HAUS2: variants seen among roughly 807,000 people sequenced by gnomAD.
The protein encoded by HAUS2 is HAUS augmin-like complex subunit 2.
A neutral mutation model predicts 21.6 loss-of-function variants in HAUS2; 20 were observed. The ratio of observed to expected loss-of-function variants is 0.93; its 90% CI spans 0.65 to 1.35. The LOEUF (loss-of-function observed/expected upper bound fraction) is 1.35. HAUS2 is among the 40% of genes most tolerant of loss of function. HAUS2 has a pLI of 0.00. For synonymous variants in HAUS2, 113 were observed against 95.6 expected (o/e 1.18, Z -1.06); for missense variants, 297 against 280.7 (o/e 1.06, Z -0.42).
At chr15:42,553,016 C>T (rs1293490285) in intron 1 of HAUS2, among the ~76,000 whole-genome samples, 5 of 133,370 alleles carry the variant, frequency 3.7e-5, no homozygotes, top group Admixed American at 1.6e-4. Context: ...GATGGAGTTT[C>T]GCTCTTACTG....
chr15:42,555,696 G>A (rs1380906619), intron 1 of HAUS2, among the ~76,000 whole-genome samples: 3 of 152,142 alleles, frequency 2.0e-5, no homozygotes, highest in Non-Finnish European at 2.9e-5. Context: ...AGGGTAGAGA[G>A]CTTGTTTCAC....
At chr15:42,560,342 TATC>T (rs1344379807) in intron 3 of HAUS2, among the ~76,000 whole-genome samples, 1 of 151,840 alleles carries the variant, frequency 6.6e-6, no homozygotes, top group Non-Finnish European at 1.5e-5. Flanking sequence ...AGGTAAAAAA[TATC>T]ATGCTGTCTG....
intron 1 of HAUS2, among the ~76,000 whole-genome samples, chr15:42,555,179 G>C (rs1485109385): frequency 6.6e-6 from 1 of 151,864 alleles, no homozygotes; most frequent in East Asian, 1.9e-4. Context: ...GTAGAGATGG[G>C]GTTTCACCAT....
intron 4 of HAUS2, 110 bp downstream of exon 4, chr15:42,561,512 T>A: frequency 1.4e-6 from 1 of 706,556 alleles, no homozygotes; most frequent in Non-Finnish European, 2.5e-6. Context: ...TTGTATTTGT[T>A]AACATTATTA....
chr15:42,559,268 G>T, intron 2 of HAUS2, 71 bp from the exon 3 acceptor site: 3 of 869,632 alleles, frequency 3.4e-6, no homozygotes, highest in Non-Finnish European at 5.9e-6. Flanking sequence ...TGGGATTACA[G>T]GAGTGAGCCA....
chr15:42,557,803 C>G (rs993088050), intron 1 of HAUS2, among the ~76,000 whole-genome samples: 1 of 2,286 alleles, frequency 4.4e-4, no homozygotes, highest in African/African-American at 5.1e-4. Flanking sequence ...TCCATGAAGG[C>G]GAAAATATTT....
intron 3 of HAUS2, among the ~76,000 whole-genome samples, chr15:42,560,207 G>A (rs771871114): frequency 4.1e-4 from 62 of 152,162 alleles, no homozygotes; most frequent in African/African-American, 1.4e-3. Context: ...ACTTAGTGAT[G>A]TTTAAATATG....
At position 42,559,417 on chromosome 15, in the gene HAUS2, T is replaced by G. The variant is rs1264188887; in HGVS notation, c.256+9T>G. On this transcript the variant is annotated intron_variant, in intron 3 of 5. Transcript: ENST00000260372. ...TCATCCTTTCTTTTTGGGTAAGTGG[T>G]TTGGTTAAGTGGATAATCACTGGAA... is the stretch of plus-strand genomic sequence containing the variant. 1 of 1,526,588 alleles carries G rather than the reference T, an allele frequency of 6.6e-7. No individual in the cohort carries two copies. Among genetic ancestry groups the G allele is most frequent in the African/African-American group, 1.4e-5 (1 of 73,152 alleles). The allele number at this position is 1,526,588 out of a possible 1,614,324, so 94.6% of individuals were successfully genotyped here. A position where few individuals can be genotyped will look rare whatever the true frequency, so the allele number is the denominator to read the frequency against.
intron 1 of HAUS2, among the ~76,000 whole-genome samples, chr15:42,555,660 T>C (rs1316363546): frequency 6.6e-6 from 1 of 152,212 alleles, no homozygotes; most frequent in East Asian, 1.9e-4. Flanking sequence ...AATACCTTTT[T>C]CTTCCCATCC....
At chr15:42,551,773 T>G (rs1040414305) in intron 1 of HAUS2, among the ~76,000 whole-genome samples, 52 of 152,186 alleles carry the variant, frequency 3.4e-4, no homozygotes, top group South Asian at 1.0e-3. Flanking sequence ...GAACTCTTTT[T>G]TGGGGGTGGT....
chr15:42,552,613 C>T (rs1250413277), intron 1 of HAUS2, among the ~76,000 whole-genome samples: 1 of 152,060 alleles, frequency 6.6e-6, no homozygotes, highest in Non-Finnish European at 1.5e-5. Context: ...TGGGGTATTG[C>T]TTTAGTTTAT....
At chr15:42,550,793 T>C (rs956914218) in intron 1 of HAUS2, among the ~76,000 whole-genome samples, 3 of 151,576 alleles carry the variant, frequency 2.0e-5, no homozygotes, top group Non-Finnish European at 4.4e-5. Flanking sequence ...CTCAGCCTCA[T>C]GAGTAGCTGG....
intron 2 of HAUS2, among the ~76,000 whole-genome samples, 165 bp from the exon 3 acceptor site, chr15:42,559,174 A>G (rs139117761): frequency 3.1e-3 from 456 of 145,282 alleles, no homozygotes; most frequent in African/African-American, 0.011. Context: ...TCACTCTGTC[A>G]CCCATACTGG....
chr15:42,561,237 C>G, intron 3 of HAUS2, 33 bp from the exon 4 acceptor site: 1 of 1,346,408 alleles, frequency 7.4e-7, no homozygotes. Flanking sequence ...TGTCCTATTG[C>G]TAACTATAAT....
At chr15:42,555,554 G>A (rs1223618958) in intron 1 of HAUS2, among the ~76,000 whole-genome samples, 1 of 152,184 alleles carries the variant, frequency 6.6e-6, no homozygotes, top group Admixed American at 6.5e-5. Context: ...TTATGTTGGA[G>A]ACTATGTTTT....
intron 1 of HAUS2, among the ~76,000 whole-genome samples, chr15:42,549,590 G>A (rs1029374302): frequency 2.0e-5 from 3 of 151,376 alleles, no homozygotes; most frequent in African/African-American, 7.3e-5. Flanking sequence ...GGGACTACAG[G>A]CGCCCACCAC....
intron 1 of HAUS2, among the ~76,000 whole-genome samples, chr15:42,552,781 T>G (rs1158217992): frequency 3.9e-5 from 6 of 152,174 alleles, no homozygotes; most frequent in Non-Finnish European, 7.3e-5. Context: ...CTACTAATTC[T>G]GTTTTCTTAA....
At chr15:42,557,345 T>A (rs912761263) in intron 1 of HAUS2, among the ~76,000 whole-genome samples, 621 of 16,654 alleles carry the variant, frequency 0.037, 23 homozygotes, top group Non-Finnish European at 0.11. Flanking sequence ...TAATATATAT[T>A]TTATATATAA....
At chr15:42,561,197 CCAAGG>C in intron 3 of HAUS2, 68 bp from the exon 4 acceptor site, 2 of 971,770 alleles carry the variant, frequency 2.1e-6, no homozygotes, top group Non-Finnish European at 3.2e-6. Context: ...TAGTGTCAAA[CCAAGG>C]CAAAGAAGAA....
Sources: allele counts gnomAD v4.1 joint callset (sites outside exome capture counted in the v4.1 genomes callset), GRCh38; gene constraint gnomAD v4.1.1; transcripts MANE v1.5; gene names NCBI Gene and HGNC (gene_info 2026-07-23, HGNC 2026-07-21).